Variants in NBPF11 observed in about 807,000 individuals in gnomAD.
NBPF11 encodes NBPF member 11.
NBPF11 carries 72 observed loss-of-function variants against 93.9 expected under a neutral mutation model. The ratio of observed to expected loss-of-function variants is 0.77; its 90% CI spans 0.63 to 0.93. The LOEUF is 0.93. NBPF11 is among the 40% of genes least tolerant of loss of function. NBPF11 has a pLI of 0.00. For synonymous variants in NBPF11, 224 were observed against 304.9 expected (o/e 0.73, Z 2.76); for missense variants, 705 against 802.2 (o/e 0.88, Z 1.46).
chr1:148,122,287 G>T (rs1370243550), intron 8 of NBPF11, 21 bp from the exon 9 acceptor site: 286 of 1,609,606 alleles, frequency 1.8e-4, no homozygotes, highest in Non-Finnish European at 2.3e-4. Flanking sequence ...AGGTGGGACA[G>T]AGATGACAGA....
Position 148,103,921 on chromosome 1 carries a change from G to A in NBPF11, c.2582-9C>T. The A allele has an allele frequency of 1.2e-6, 2 of 1,610,784 alleles. No homozygotes were observed. Among genetic ancestry groups the A allele is most frequent in the Non-Finnish European group, 8.5e-7 (1 of 1,178,980 alleles). ...TCAGCACGCTGCTGAGCCTGGAAAA[G>A]GAGACAAAACTAAAGAAGCAGCCAG... is the stretch of plus-strand genomic sequence containing the variant. On this transcript the variant is annotated splice_polypyrimidine_tract_variant and intron_variant, in intron 23 of 23. Transcript: ENST00000682118.
chr1:148,150,153 CTTTT>C (rs56775503), intron 1 of NBPF11, among the ~76,000 whole-genome samples: 5 of 135,014 alleles, frequency 3.7e-5, no homozygotes, highest in East Asian at 2.2e-4. Flanking sequence ...ATGACCTGTA[CTTTT>C]TTTTTTTTTT....
chr1:148,117,108 T>A (rs1375477531), intron 12 of NBPF11, among the ~76,000 whole-genome samples: 12 of 151,962 alleles, frequency 7.9e-5, no homozygotes, highest in Admixed American at 7.9e-4. Flanking sequence ...AAAGCAGTTG[T>A]AAGTGTTCCC....
chr1:148,141,173 A>C (rs1388630943), intron 2 of NBPF11, among the ~76,000 whole-genome samples: 1 of 151,966 alleles, frequency 6.6e-6, no homozygotes, highest in African/African-American at 2.4e-5. Flanking sequence ...ATGGTGAAGC[A>C]CAGGGAATTT....
chr1:148,126,958 T>C lies in NBPF11; in HGVS notation c.46A>G (p.Asn16Asp). ...GPWSSEKAEM[N>D]ILEINEKLRP... ...AATTTCTCGTTGATTTCTAGAATGT[T>C]CATCTCTGCCTTCTCGCTGGACCAA... Residue 16 changes from asparagine (N) to aspartate (D), a missense_variant, in exon 5 of 24, where the codon AAC (asparagine) becomes GAC (aspartate). Around this residue, in one of 12 missense-constraint regions of NBPF11, gnomAD observed 128 missense variants for 112.8 expected, o/e 1.14. Transcript: ENST00000682118. The C allele has an allele frequency of 1.2e-6, 1 of 865,428 alleles. No homozygotes were observed. Among genetic ancestry groups the C allele is most frequent in the Non-Finnish European group, 1.9e-6 (1 of 532,276 alleles). 53.6% of individuals were successfully genotyped at this position (865,428 alleles called of 1,614,324 possible).
chr1:148,138,604 C>A (rs1201734869), intron 2 of NBPF11, among the ~76,000 whole-genome samples: 2 of 151,312 alleles, frequency 1.3e-5, no homozygotes, highest in South Asian at 2.1e-4. Flanking sequence ...ACAAAGCACA[C>A]CCTGAACAGC....
intron 1 of NBPF11, among the ~76,000 whole-genome samples, chr1:148,146,147 G>C (rs1163180728): frequency 6.6e-6 from 1 of 151,770 alleles, no homozygotes; most frequent in South Asian, 2.1e-4. Flanking sequence ...CCGGGGGCGC[G>C]GGCCGGGGTG....
chr1:148,146,732 C>T (rs1673173435), intron 1 of NBPF11: 10 of 1,612,368 alleles, frequency 6.2e-6, no homozygotes, highest in Admixed American at 1.7e-5. Flanking sequence ...GCCAGGTACA[C>T]GGTCCTCTTC....
At chr1:148,124,226 A>G (rs1668550345) in intron 6 of NBPF11, among the ~76,000 whole-genome samples, 159 bp from the exon 7 acceptor site, 1 of 151,902 alleles carries the variant, frequency 6.6e-6, no homozygotes, top group African/African-American at 2.4e-5. Context: ...GAAAGAACAG[A>G]AAATGGTCTA....
chr1:148,119,573 C>T (rs1667350709), intron 10 of NBPF11, among the ~76,000 whole-genome samples: 1 of 151,796 alleles, frequency 6.6e-6, no homozygotes, highest in East Asian at 1.9e-4. Flanking sequence ...ATCTTTCTTC[C>T]TCTTTAGGAA....
intron 5 of NBPF11, among the ~76,000 whole-genome samples, chr1:148,126,154 C>G (rs1179810219): frequency 1.3e-5 from 2 of 151,812 alleles, no homozygotes; most frequent in Non-Finnish European, 2.9e-5. Context: ...TTGCCCGCCA[C>G]GACGCCCATC....
intron 18 of NBPF11, among the ~76,000 whole-genome samples, 165 bp downstream of exon 18, chr1:148,108,317 C>T (rs1664286089): frequency 6.6e-6 from 1 of 151,278 alleles, no homozygotes; most frequent in South Asian, 2.1e-4. Flanking sequence ...CATCCCTTGT[C>T]TGGGCTTCCA....
chr1:148,117,354 C>A (rs2149216522), intron 12 of NBPF11, among the ~76,000 whole-genome samples: 1 of 150,158 alleles, frequency 6.7e-6, no homozygotes, highest in East Asian at 2.0e-4. Context: ...CCAAAGACCA[C>A]CTTCCATCAA....
chr1:148,120,653 A>T lies in NBPF11; in HGVS notation c.836T>A (p.Leu279Ter). Residue 279 changes from leucine to a stop codon, truncating the protein, a stop_gained, in exon 10 of 24, where the codon TTG (leucine) becomes TAG (stop). Transcript: ENST00000682118. LOFTEE classifies it high-confidence loss of function. ...GTTCATCTCTGCCTTCTCGCTGGAC[A>T]AAGGGCCGGCTGATACCACCATGCT... ...NVSMVVSAGP[L>*]SSEKAEMNIL... 12 of 1,542,482 alleles carry T rather than the reference A, an allele frequency of 7.8e-6. No individual in the cohort carries two copies. Among genetic ancestry groups the T allele is most frequent in the Non-Finnish European group, 1.1e-5 (12 of 1,116,732 alleles).
At chr1:148,111,194 G>A (rs1274304202) in intron 15 of NBPF11, among the ~76,000 whole-genome samples, 1 of 151,788 alleles carries the variant, frequency 6.6e-6, no homozygotes, top group Non-Finnish European at 1.5e-5. Flanking sequence ...CACACAGAAA[G>A]GGATAGCATC....
chr1:148,128,259 AT>A (rs1669578287), intron 4 of NBPF11, among the ~76,000 whole-genome samples: 2 of 110,990 alleles, frequency 1.8e-5, no homozygotes, highest in African/African-American at 8.0e-5. Flanking sequence ...AAGTATTTGT[AT>A]TGTTTTACAT....
At chr1:148,149,266 C>G in intron 1 of NBPF11, 1 of 1,596,326 alleles carries the variant, frequency 6.3e-7, no homozygotes, top group South Asian at 1.1e-5. Flanking sequence ...TGGTGCTGCA[C>G]TCGCCGCTCA....
At chr1:148,120,440 T>C (rs113291652) in intron 10 of NBPF11, 61 bp downstream of exon 10, 40 of 817,572 alleles carry the variant, frequency 4.9e-5, no homozygotes, top group African/African-American at 1.0e-4. Flanking sequence ...GCACTTAGTT[T>C]CTCAGAGAGA....
intron 1 of NBPF11, among the ~76,000 whole-genome samples, chr1:148,145,000 A>G (rs1180112951): frequency 1.3e-5 from 2 of 148,484 alleles, no homozygotes; most frequent in African/African-American, 2.5e-5. Flanking sequence ...GCTACTCAGG[A>G]GGCTGAGGCA....
Sources: allele counts gnomAD v4.1 joint callset (sites outside exome capture counted in the v4.1 genomes callset), GRCh38; gene constraint gnomAD v4.1.1; regional missense constraint gnomAD v4.1.1; transcripts MANE v1.5; gene names NCBI Gene and HGNC (gene_info 2026-07-23, HGNC 2026-07-21).